Variants in UNC13C observed in about 807,000 individuals in gnomAD.
UNC13C encodes the protein protein unc-13 homolog C.
A neutral mutation model predicts 245.4 loss-of-function variants in UNC13C; 174 were observed. The ratio of observed to expected loss-of-function variants is 0.71; its 90% confidence interval spans 0.63 to 0.80. UNC13C has a LOEUF of 0.80. Ranked by LOEUF, UNC13C falls within the 30% of genes least tolerant of loss-of-function variation. The pLI is 0.00. For synonymous variants in UNC13C, 992 were observed against 895.1 expected, an observed-to-expected ratio of 1.11 and a Z score of -1.93; for missense variants, 2,829 against 2,602.9, an observed-to-expected ratio of 1.09 and a Z score of -1.89.
intron 17 of UNC13C, among the ~76,000 whole-genome samples, chr15:54,356,995 A>T (rs575168898): frequency 5.1e-4 from 77 of 152,212 alleles, no homozygotes; most frequent in Non-Finnish European, 7.6e-4. Context: ...CTTTGTCTTG[A>T]TAAAGGATTC....
intron 19 of UNC13C, among the ~76,000 whole-genome samples, chr15:54,423,443 CAATATT>C (rs1212234421): frequency 2.0e-5 from 3 of 151,746 alleles, no homozygotes; most frequent in African/African-American, 7.3e-5. Flanking sequence ...ATTTCCCCAG[CAATATT>C]TGGAATTTGA....
intron 7 of UNC13C, among the ~76,000 whole-genome samples, chr15:54,248,538 T>G (rs183016082): frequency 6.6e-6 from 1 of 150,960 alleles, no homozygotes; most frequent in East Asian, 1.9e-4. Flanking sequence ...ATCTTTATTA[T>G]GAAATGAAGC....
In UNC13C at chr15:54,383,442, A is replaced by T. The variant is rs374400135; in HGVS notation, c.4714-9606A>T. ...CAGAAGGAAAGACAAAACCCATAGG[A>T]TTATCACAATAGATGCAGGAAAATA... On this transcript the variant is annotated intron_variant, in intron 17 of 32. Coordinates refer to ENST00000260323, the MANE Select transcript of UNC13C (RefSeq NM_001080534.3). Among the ~76,000 whole-genome samples the T allele has an allele frequency of 3.3e-5, 5 of 152,330 alleles. No individual in the cohort carries two copies. The East Asian group carries it at 7.7e-4, about 24-fold the overall frequency.
intron 26 of UNC13C, among the ~76,000 whole-genome samples, chr15:54,538,133 C>CAAAAAAAAAAAAAAAAAAAAAAAAAAA (rs56041311): frequency 2.9e-4 from 3 of 10,236 alleles, no homozygotes; most frequent in Admixed American, 2.6e-3. Context: ...CATTAACAAG[C>CAAAAAAAAAAAAAAAAAAAAAAAAAAA]AAAAAAAAAA....
chr15:53,979,582 T>C (rs1263960865), intron 1 of UNC13C, among the ~76,000 whole-genome samples: 1 of 152,140 alleles, frequency 6.6e-6, no homozygotes, highest in Admixed American at 6.5e-5. Context: ...CCCTAACTTC[T>C]GCAATTACAT....
At chr15:53,866,499 G>A in the UNC13C span, among the ~76,000 whole-genome samples, 7 of 152,130 alleles carry the variant, frequency 4.6e-5, no homozygotes, top group South Asian at 2.1e-4. Flanking sequence ...ATACCAATGC[G>A]TTTTAAAATG....
At chr15:53,893,526 C>T in the UNC13C span, among the ~76,000 whole-genome samples, 15 of 152,224 alleles carry the variant, frequency 9.9e-5, no homozygotes, top group African/African-American at 3.4e-4. Flanking sequence ...ACTGGGGCTG[C>T]TGCCTTTTTT....
chr15:54,575,019 G>C (rs1325829432), intron 30 of UNC13C, among the ~76,000 whole-genome samples: 3 of 152,044 alleles, frequency 2.0e-5, no homozygotes, highest in Non-Finnish European at 4.4e-5. Context: ...TTAAGTGGAA[G>C]AAATATGTCA....
chr15:54,518,149 AG>A, intron 24 of UNC13C, among the ~76,000 whole-genome samples: 1 of 152,326 alleles, frequency 6.6e-6, no homozygotes, highest in East Asian at 1.9e-4. Context: ...GAGAATAATA[AG>A]GGCCAATAAA....
rs116364642 is a variant in UNC13C at position 54,580,949 on chromosome 15, T to A, written c.6106+13002T>A. Among the ~76,000 whole-genome samples the A allele has an allele frequency of 2.0e-3, 306 of 152,296 alleles. 2 individuals are homozygous for A. The highest frequency in any genetic ancestry group is 6.9e-3 in the African/African-American group (285 of 41,550). On this transcript the variant is annotated intron_variant, in intron 30 of 32. Coordinates refer to ENST00000260323, the MANE Select transcript of UNC13C (RefSeq NM_001080534.3). ...ACTCCATGGTTGTCAAATAATCATA[T>A]ATTTATTGAACCTGTACTGTGCACA...
chr15:54,249,454 C>T (rs1437448209), intron 7 of UNC13C, among the ~76,000 whole-genome samples: 4 of 152,070 alleles, frequency 2.6e-5, no homozygotes, highest in African/African-American at 4.8e-5. Flanking sequence ...AGAAATGTAC[C>T]TCTACTATGT....
the UNC13C span, among the ~76,000 whole-genome samples, chr15:53,849,679 TAGATGATG>T: frequency 6.6e-6 from 1 of 152,160 alleles, no homozygotes; most frequent in Non-Finnish European, 1.5e-5. Flanking sequence ...AGTAAGCCAT[TAGATGATG>T]AGTCACAAGA....
At chr15:54,493,973 T>G (rs777626106) in intron 19 of UNC13C, among the ~76,000 whole-genome samples, 4 of 152,110 alleles carry the variant, frequency 2.6e-5, no homozygotes, top group Non-Finnish European at 5.9e-5. Flanking sequence ...TAACTTTAGG[T>G]AAACCTACAG....
At chr15:53,913,115 A>C in the UNC13C span, 1 of 152,280 alleles carries the variant, frequency 6.6e-6, no homozygotes, top group East Asian at 1.9e-4. Flanking sequence ...TAGCCCCACC[A>C]TATGTCATGG....
At chr15:54,261,312 G>C (rs1440643086) in intron 8 of UNC13C, among the ~76,000 whole-genome samples, 1 of 152,072 alleles carries the variant, frequency 6.6e-6, no homozygotes, top group Non-Finnish European at 1.5e-5. Context: ...TAACCCAAAG[G>C]GCTGGAAATT....
the UNC13C span, among the ~76,000 whole-genome samples, chr15:53,871,078 C>T: frequency 2.4e-4 from 36 of 152,290 alleles, no homozygotes; most frequent in African/African-American, 7.9e-4. Context: ...TTACCTGCCC[C>T]ACTCCCCCAA....
At chr15:54,307,396 T>C (rs183326091) in intron 13 of UNC13C, among the ~76,000 whole-genome samples, 13 of 152,014 alleles carry the variant, frequency 8.6e-5, no homozygotes, top group Admixed American at 7.2e-4. Flanking sequence ...CCACTTATGA[T>C]CTAATCACCT....
At chr15:54,585,334 C>G (rs551008639) in intron 30 of UNC13C, among the ~76,000 whole-genome samples, 1 of 152,090 alleles carries the variant, frequency 6.6e-6, no homozygotes, top group South Asian at 2.1e-4. Context: ...CCGTGTCTCT[C>G]TTGCTTCCTC....
At chr15:54,173,111 A>G (rs1045535337) in intron 4 of UNC13C, among the ~76,000 whole-genome samples, 1 of 151,956 alleles carries the variant, frequency 6.6e-6, no homozygotes, top group African/African-American at 2.4e-5. Context: ...CTGATATCAC[A>G]TAATCATAAC....
Sources: gnomAD v4.1 joint callset for allele counts (sites outside exome capture counted in the v4.1 genomes callset) on GRCh38, gnomAD v4.1.1 for gene constraint, MANE v1.5 for transcripts, NCBI Gene and HGNC (gene_info 2026-07-23, HGNC 2026-07-21) for gene names.